TPRA1: variants seen among roughly 807,000 people sequenced by gnomAD.
TPRA1 encodes the protein transmembrane protein adipocyte associated 1, also known as transmembrane protein adipocyte-associated 1.
A neutral mutation model predicts 40.1 loss-of-function variants in TPRA1; 28 were observed. That is an observed-to-expected ratio of 0.70 (90% CI 0.52 to 0.96). The LOEUF (loss-of-function observed/expected upper bound fraction) is 0.96, where lower values mean the gene tolerates loss of function less well. TPRA1 is among the 40% of genes least tolerant of loss of function. The probability of loss-of-function intolerance (pLI) is 0.00; values close to 1 mark genes in which losing one functional copy is unlikely to be tolerated. For missense variants in TPRA1, 441 were observed against 482.6 expected, an observed-to-expected ratio of 0.91 and a Z score of 0.81; for synonymous variants, 219 against 209.7, an observed-to-expected ratio of 1.04 and a Z score of -0.38.
chr3:127,573,573 G>T lies in TPRA1; in HGVS notation c.1070C>A (p.Thr357Asn), dbSNP rs1190891295. 1.9e-6 allele frequency: 3 copies of T among 1,613,104 alleles called. No homozygotes were observed. Among genetic ancestry groups the T allele is most frequent in the Non-Finnish European group, 2.5e-6 (3 of 1,180,022 alleles). The change falls in exon 11 of 11, where the codon ACT becomes AAT. Residue 357 changes from threonine (T) to asparagine (N), a missense_variant. Physicochemically the swap from Thr to Asn is moderately conservative, Grantham distance 65. Transcript: ENST00000355552. ...LDDIASMPCHTGSINSTDSER... is the reference protein window; with the variant it reads ...LDDIASMPCHNGSINSTDSER... ...GCTGTCTGTGCTGTTGATGCTGCCAGTGTGGCAGGGCATGGAAGCGATGTC... is the reference window on the plus strand; with the variant it reads ...GCTGTCTGTGCTGTTGATGCTGCCATTGTGGCAGGGCATGGAAGCGATGTC...
chr3:127,575,757 G>A lies in TPRA1; in HGVS notation c.662C>T (p.Ser221Phe). The A allele has an allele frequency of 6.2e-7, 1 of 1,613,620 alleles. No homozygotes were observed. The highest frequency in any genetic ancestry group is 1.3e-5 in the African/African-American group (1 of 75,044). Residue 221 changes from serine (S) to phenylalanine (F), a missense_variant, in exon 8 of 11, where the codon TCC becomes TTC. Ser to Phe is a radical substitution (Grantham distance 155, BLOSUM62 -2). Coordinates refer to ENST00000355552, the MANE Select transcript of TPRA1 (RefSeq NM_001136053.4). ...GCCGGCCAGCTGCTCACAAGGCAGG[G>A]AGATGCGCTCCTTCAGCGGGGTCTT... ...LPKTPLKERI[S>F]LPSRRSFYVY...
chr3:127,582,369 C>T (rs1222134428), intron 1 of TPRA1, among the ~76,000 whole-genome samples: 1 of 152,064 alleles, frequency 6.6e-6, no homozygotes, highest in Non-Finnish European at 1.5e-5. Flanking sequence ...AGTTCCAGAC[C>T]AGCCTGGGCA....
upstream of TPRA1, among the ~76,000 whole-genome samples, chr3:127,593,153 G>A (rs552797283): frequency 6.6e-6 from 1 of 152,330 alleles, no homozygotes; most frequent in East Asian, 1.9e-4. Context: ...TGAGAGCTGA[G>A]GCAGTGGCTA....
chr3:127,587,277 C>T (rs1399355507), intron 1 of TPRA1: 3 of 152,236 alleles, frequency 2.0e-5, no homozygotes, highest in Middle Eastern at 3.4e-3. Flanking sequence ...AGAGTAAAGC[C>T]GACGCGGAGG....
intron 7 of TPRA1, 34 bp from the exon 8 acceptor site, chr3:127,575,843 G>C: frequency 6.2e-7 from 1 of 1,613,080 alleles, no homozygotes; most frequent in Non-Finnish European, 8.5e-7. Flanking sequence ...AAGGTGCTGG[G>C]GGCGCCAGCC....
chr3:127,575,778 G>A lies in TPRA1; in HGVS notation c.641C>T (p.Thr214Ile). 6.2e-7 allele frequency: 1 copy of A among 1,613,830 alleles called. No homozygotes were observed. Among genetic ancestry groups the A allele is most frequent in the Non-Finnish European group, 8.5e-7 (1 of 1,179,992 alleles). ...VYSLVVILPKTPLKERISLPS... is the reference protein window; with the variant it reads ...VYSLVVILPKIPLKERISLPS... ...CAGGGAGATGCGCTCCTTCAGCGGG[G>A]TCTTGGGAAGGATGACCACCAGAGA... is the stretch of plus-strand genomic sequence containing the variant. The change falls in exon 8 of 11, where the codon ACC becomes ATC. Residue 214 changes from threonine to isoleucine, a missense_variant. Coordinates refer to ENST00000355552, the MANE Select transcript of TPRA1 (RefSeq NM_001136053.4).
chr3:127,580,246 A>T, intron 1 of TPRA1, 83 bp from the exon 2 acceptor site: 1 of 1,476,622 alleles, frequency 6.8e-7, no homozygotes, highest in Non-Finnish European at 9.1e-7. Context: ...CCCAGGGGAA[A>T]ATCAGAGGGG....
chr3:127,576,789 G>A lies in TPRA1; in HGVS notation c.418+32C>T, dbSNP rs374121085. ...CCAGGGAGGGGCAGGGGAGAGCATC[G>A]CCAGGGCCCAAGAGCCCAGCGGTAC... On this transcript the variant is annotated intron_variant, in intron 5 of 10. Coordinates refer to ENST00000355552, the MANE Select transcript of TPRA1 (RefSeq NM_001136053.4). The surrounding 1 kb of genome is among the most constrained non-coding windows in gnomAD (Gnocchi z 4.6). 2.2e-5 allele frequency: 36 copies of A among 1,613,228 alleles called. No homozygotes were observed. The highest frequency in any genetic ancestry group is 1.6e-4 in the South Asian group (15 of 91,026).
chr3:127,575,902 GGCCCCAGCCACCCCAGCT>G lies in TPRA1; in HGVS notation c.609+20_609+37del, dbSNP rs1373540867. 4 of 1,612,020 alleles carry G rather than the reference GGCCCCAGCCACCCCAGCT, an allele frequency of 2.5e-6. No individual in the cohort carries two copies. The highest frequency in any genetic ancestry group is 3.4e-6 in the Non-Finnish European group (4 of 1,178,440). On this transcript the variant is annotated intron_variant, in intron 7 of 10. Transcript: ENST00000355552. ...GAATCCAATCCCTACCTGGCCCTAA[GGCCCCAGCCACCCCAGCT>G]GCCCCAGCCTGAACCTCACCAGGAA...
rs928796709 is a variant in TPRA1 at position 127,590,676 on chromosome 3, C to A, written c.-284G>T. The A allele has an allele frequency of 6.6e-6, 1 of 152,336 alleles. No homozygotes were observed. The highest frequency in any genetic ancestry group is 1.5e-5 in the Non-Finnish European group (1 of 68,146). The allele number at this position is 152,336 out of a possible 1,614,324, so 9.4% of individuals were successfully genotyped here. On this transcript the variant is annotated 5_prime_UTR_variant, in exon 1 of 11. Transcript: ENST00000355552. ...TGCAGCCCTTCCCGACAGCGGCGAC[C>A]GGGAAAGCAAGACCGTCTTTTTCGT...
chr3:127,574,482 G>A lies in TPRA1; in HGVS notation c.855-694C>T, dbSNP rs569528404. Among the ~76,000 whole-genome samples the A allele has an allele frequency of 2.0e-5, 3 of 152,298 alleles. No homozygotes were observed. The East Asian group carries it at 5.8e-4, about 29-fold the overall frequency. Reference sequence around the variant, plus strand: ...CAGACGCTTCTGCAGATGCACATGTGCACAGCAGTGTACTCACCCCCAGAG... The same window carrying A: ...CAGACGCTTCTGCAGATGCACATGTACACAGCAGTGTACTCACCCCCAGAG... On this transcript the variant is annotated intron_variant, in intron 10 of 10. Coordinates refer to ENST00000355552, the MANE Select transcript of TPRA1 (RefSeq NM_001136053.4).
chr3:127,576,464 T>C lies in TPRA1; in HGVS notation c.498+153A>G, dbSNP rs2073630020. Among the ~76,000 whole-genome samples the C allele has an allele frequency of 6.6e-6, 1 of 152,122 alleles. No homozygotes were observed. The highest frequency in any genetic ancestry group is 2.4e-5 in the African/African-American group (1 of 41,416). On this transcript the variant is annotated intron_variant, in intron 6 of 10. Transcript: ENST00000355552. The surrounding 1 kb of genome is among the most constrained non-coding windows in gnomAD (Gnocchi z 4.6). ...CAAATCTCCAGGGGACCCCAGAATG[T>C]GCCTCGGTAACAAGCACCCCATGTG... is the stretch of plus-strand genomic sequence containing the variant.
At chr3:127,598,219 C>T, upstream of TPRA1, 1 of 593,972 alleles carries the variant, frequency 1.7e-6, no homozygotes, top group Non-Finnish European at 3.0e-6. Flanking sequence ...CCCACCACAG[C>T]GCAGGCGAGC....
intron 1 of TPRA1, among the ~76,000 whole-genome samples, chr3:127,582,838 T>TA (rs1290942646): frequency 1.6e-3 from 227 of 137,858 alleles, no homozygotes; most frequent in African/African-American, 3.6e-3. Flanking sequence ...CCGCCTCTAC[T>TA]AAAAAAAAAA....
intron 10 of TPRA1, 50 bp from the exon 11 acceptor site, chr3:127,573,838 A>C (rs2073470212): frequency 3.3e-6 from 5 of 1,517,018 alleles, no homozygotes; most frequent in Non-Finnish European, 3.5e-6. Context: ...TGATTCAGGA[A>C]GAGCCTTCCT....
At chr3:127,577,135 G>A (rs746928831) in intron 3 of TPRA1, 59 bp from the exon 4 acceptor site, 95 of 1,563,492 alleles carry the variant, frequency 6.1e-5, no homozygotes, top group Non-Finnish European at 8.1e-5. Context: ...ATCGGCAGGG[G>A]CAGCAAGCCC....
intron 1 of TPRA1, chr3:127,580,367 G>A: frequency 1.8e-6 from 1 of 571,130 alleles, no homozygotes; most frequent in East Asian, 3.0e-5. Context: ...CCCCATCTCA[G>A]GCTCTATCTC....
intron 1 of TPRA1, among the ~76,000 whole-genome samples, chr3:127,582,433 G>T (rs1418197845): frequency 6.6e-6 from 1 of 152,130 alleles, no homozygotes; most frequent in Non-Finnish European, 1.5e-5. Flanking sequence ...GGGTGCGGAG[G>T]CTCATGCCAG....
chr3:127,583,438 C>T (rs1190913916), intron 1 of TPRA1, among the ~76,000 whole-genome samples: 1 of 152,078 alleles, frequency 6.6e-6, no homozygotes, highest in South Asian at 2.1e-4. Context: ...TTCGAGGCTG[C>T]AGTGAGCTAT....
Sources: allele counts gnomAD v4.1 joint callset (sites outside exome capture counted in the v4.1 genomes callset), GRCh38; gene constraint gnomAD v4.1.1; non-coding constraint Gnocchi (gnomAD v3.1); transcripts MANE v1.5; gene names NCBI Gene and HGNC (gene_info 2026-07-23, HGNC 2026-07-21).